PDCL2: variants seen among roughly 807,000 people sequenced by gnomAD.
The protein encoded by PDCL2 is phosducin like 2, also known as phosducin-like protein 2.
In PDCL2, 23 loss-of-function variants were observed where a neutral mutation model predicts 30.3. The observed-to-expected ratio is 0.76, with a 90% CI of 0.55 to 1.08. PDCL2 has a LOEUF of 1.08. PDCL2 is among the 50% of genes least tolerant of loss of function. The pLI is 0.00. For missense variants in PDCL2, 243 were observed against 282.3 expected (o/e 0.86, Z 1.00); for synonymous variants, 68 against 86.2 (o/e 0.79, Z 1.17).
At chr4:55,580,955 T>G in intron 2 of PDCL2, 44 bp from the exon 3 acceptor site, 3 of 1,462,768 alleles carry the variant, frequency 2.1e-6, no homozygotes, top group Non-Finnish European at 2.8e-6. Flanking sequence ...TTTAAAAATT[T>G]TTTTACTATA....
intron 1 of PDCL2, among the ~76,000 whole-genome samples, chr4:55,589,583 T>C (rs974359281): frequency 2.0e-5 from 3 of 152,156 alleles, no homozygotes; most frequent in Admixed American, 1.3e-4. Flanking sequence ...AGACATGTGT[T>C]TACCTCCGGT....
intron 1 of PDCL2, among the ~76,000 whole-genome samples, chr4:55,585,544 ACACACACACACACACAC>A (rs1458387813): frequency 6.6e-6 from 1 of 151,128 alleles, no homozygotes; most frequent in African/African-American, 2.4e-5. Context: ...ACACACACAG[ACACACACACACACACAC>A]AAAGATTTAG....
intron 5 of PDCL2, among the ~76,000 whole-genome samples, chr4:55,560,193 G>T (rs868540960): frequency 6.9e-6 from 1 of 145,714 alleles, no homozygotes; most frequent in Non-Finnish European, 1.5e-5. Flanking sequence ...AAAAAAAGGG[G>T]GGGGGGACGA....
intron 5 of PDCL2, among the ~76,000 whole-genome samples, chr4:55,559,536 T>C (rs1479472493): frequency 1.4e-4 from 21 of 152,242 alleles, no homozygotes; most frequent in Admixed American, 1.4e-3. Flanking sequence ...AATTTTGCAA[T>C]TAATTATTCC....
intron 1 of PDCL2, 98 bp downstream of exon 1, chr4:55,592,006 C>T (rs561520337): frequency 1.3e-6 from 2 of 1,498,808 alleles, no homozygotes; most frequent in African/African-American, 2.8e-5. Flanking sequence ...TAGAGCCTAC[C>T]TCCTGTGTCC....
At chr4:55,581,066 G>A (rs527400736) in intron 2 of PDCL2, among the ~76,000 whole-genome samples, 155 bp from the exon 3 acceptor site, 19 of 152,218 alleles carry the variant, frequency 1.2e-4, no homozygotes, top group Non-Finnish European at 2.1e-4. Flanking sequence ...AGGTCGAGGT[G>A]GGTGGATCAC....
chr4:55,559,532 G>A (rs1198745033), intron 5 of PDCL2, among the ~76,000 whole-genome samples: 1 of 152,128 alleles, frequency 6.6e-6, no homozygotes, highest in East Asian at 1.9e-4. Context: ...TTTCAATTTT[G>A]CAATTAATTA....
At chr4:55,567,599 T>C (rs139671038) in intron 4 of PDCL2, among the ~76,000 whole-genome samples, 2 of 152,342 alleles carry the variant, frequency 1.3e-5, no homozygotes, top group African/African-American at 4.8e-5. Flanking sequence ...CTCTTGAAAC[T>C]GCTTGCTATT....
chr4:55,569,940 G>C, intron 3 of PDCL2, 79 bp from the exon 4 acceptor site: 2 of 1,093,520 alleles, frequency 1.8e-6, no homozygotes, highest in Non-Finnish European at 2.5e-6. Flanking sequence ...TAACAATTTA[G>C]GGCAATGAAT....
chr4:55,587,360 A>T (rs1488041253), intron 1 of PDCL2, among the ~76,000 whole-genome samples: 1 of 151,834 alleles, frequency 6.6e-6, no homozygotes, highest in Non-Finnish European at 1.5e-5. Context: ...ATACTATCAC[A>T]TTGGAAACAA....
At chr4:55,582,852 T>A (rs1732763804) in intron 1 of PDCL2, among the ~76,000 whole-genome samples, 1 of 151,238 alleles carries the variant, frequency 6.6e-6, no homozygotes, top group Non-Finnish European at 1.5e-5. Context: ...TGAGAACATG[T>A]GGTGTTTGGT....
intron 5 of PDCL2, among the ~76,000 whole-genome samples, chr4:55,560,189 AG>A (rs11338563): frequency 0.47 from 65,630 of 138,294 alleles, 15,798 homozygotes; most frequent in African/African-American, 0.63. Context: ...TCAAAAAAAA[AG>A]GGGGGGGGGA....
intron 3 of PDCL2, among the ~76,000 whole-genome samples, chr4:55,574,475 C>A (rs1404361585): frequency 1.3e-5 from 2 of 152,178 alleles, no homozygotes; most frequent in Non-Finnish European, 2.9e-5. Context: ...CTGATTCACA[C>A]AACTGGAAGT....
chr4:55,591,535 C>G (rs544939153), intron 1 of PDCL2, among the ~76,000 whole-genome samples: 2 of 152,164 alleles, frequency 1.3e-5, no homozygotes, highest in Non-Finnish European at 2.9e-5. Flanking sequence ...TACAGGCGCA[C>G]GCCACCACGC....
intron 1 of PDCL2, among the ~76,000 whole-genome samples, chr4:55,583,175 C>A (rs891348412): frequency 2.0e-5 from 3 of 152,100 alleles, no homozygotes; most frequent in African/African-American, 7.2e-5. Flanking sequence ...CCCCATGTTG[C>A]TCCAGCTGGT....
At chr4:55,562,690 C>T in intron 4 of PDCL2, 78 bp from the exon 5 acceptor site, 2 of 931,496 alleles carry the variant, frequency 2.1e-6, no homozygotes, top group Non-Finnish European at 3.1e-6. Context: ...TAAAATATCG[C>T]CATGGCAAAA....
chr4:55,589,953 T>G (rs1196219882), intron 1 of PDCL2, among the ~76,000 whole-genome samples: 1 of 152,026 alleles, frequency 6.6e-6, no homozygotes, highest in Admixed American at 6.6e-5. Context: ...TCCCAGCGCT[T>G]TGAGAGGCCA....
chr4:55,580,402 T>C (rs983461834), intron 3 of PDCL2, among the ~76,000 whole-genome samples: 1 of 152,146 alleles, frequency 6.6e-6, no homozygotes, highest in African/African-American at 2.4e-5. Context: ...CAACTTATTT[T>C]AGTTGTGAAG....
intron 5 of PDCL2, among the ~76,000 whole-genome samples, chr4:55,558,036 G>T (rs182984154): frequency 6.7e-6 from 1 of 150,140 alleles, no homozygotes; most frequent in Non-Finnish European, 1.5e-5. Flanking sequence ...CAGGAGAATC[G>T]CTTGAACCCA....
Sources: gnomAD v4.1 joint callset for allele counts (sites outside exome capture counted in the v4.1 genomes callset) on GRCh38, gnomAD v4.1.1 for gene constraint, MANE v1.5 for transcripts, NCBI Gene and HGNC (gene_info 2026-07-23, HGNC 2026-07-21) for gene names.